Variants in H2AL3 observed in about 807,000 individuals in gnomAD.
H2AL3 encodes the protein histone H2A-like 3.
chrX:37,994,775 G>C (rs1482967026), exon 1 of H2AL3: 1 of 110,044 alleles, frequency 9.1e-6, no homozygotes, highest in East Asian at 2.9e-4. Context: ...GAAGAAGGAG[G>C]AGGAAGGATT....
chrX:37,994,710 A>G lies in H2AL3; in HGVS notation c.367A>G (p.Lys123Glu), dbSNP rs866985016. 8.6e-5 allele frequency: 9 copies of G among 104,323 alleles called. No homozygotes were observed. Among genetic ancestry groups the G allele is most frequent in the Non-Finnish European group, 1.6e-4 (8 of 50,155 alleles). The allele number at this position is 104,323 out of a possible 1,213,427, so 8.6% of individuals were successfully genotyped here. Residue 123 changes from lysine to glutamate, a missense_variant, in exon 1 of 1, where the codon AAG (lysine) becomes GAG (glutamate). Physicochemically the swap from Lys to Glu is moderately conservative, Grantham distance 56. Coordinates refer to ENST00000448797, the Ensembl canonical transcript of H2AL3. ...GGAGGAAGAGGAGGAGGAGGAGGAG[A>G]AGGAGGAGGAGATGGTGGTGCTGGT...
exon 1 of H2AL3, chrX:37,994,890 A>C: frequency 9.0e-6 from 1 of 111,294 alleles, no homozygotes; most frequent in Non-Finnish European, 1.9e-5. Flanking sequence ...CAAGCTATTA[A>C]ACTGTGTAAA....
exon 1 of H2AL3, chrX:37,994,846 A>G (rs1933675276): frequency 9.0e-6 from 1 of 110,952 alleles, no homozygotes; most frequent in Non-Finnish European, 1.9e-5. Flanking sequence ...CAAAATTCCC[A>G]TAGATGAAAG....
At chrX:37,994,891 A>C (rs1483483751) in exon 1 of H2AL3, 1 of 111,168 alleles carries the variant, frequency 9.0e-6, no homozygotes, top group African/African-American at 3.3e-5. Flanking sequence ...AAGCTATTAA[A>C]CTGTGTAAAT....
exon 1 of H2AL3, chrX:37,994,870 T>G (rs1024748096): frequency 3.6e-5 from 4 of 110,993 alleles, no homozygotes; most frequent in African/African-American, 1.3e-4. Context: ...CCAGGTTGCT[T>G]CCATCTGCCC....
chrX:37,994,590 G>T (rs1025219661), exon 1 of H2AL3: 2 of 114,639 alleles, frequency 1.7e-5, no homozygotes, highest in African/African-American at 6.5e-5. Context: ...CCCAGAACAC[G>T]TGAAGAGGGC....
exon 1 of H2AL3, chrX:37,994,808 G>A (rs761863151): frequency 1.8e-5 from 2 of 110,462 alleles, no homozygotes; most frequent in Non-Finnish European, 3.8e-5. Context: ...AGCCATGCGG[G>A]ACTTCATCAG....
At chrX:37,994,441 G>A (rs1053773050) in exon 1 of H2AL3, 6 of 126,271 alleles carry the variant, frequency 4.8e-5, no homozygotes, top group Non-Finnish European at 7.6e-5. Flanking sequence ...TTGGAACGCT[G>A]CCTGCGAGAA....
rs755319953 is a variant in H2AL3 at position 37,994,802 on chromosome X, A to C, written c.*12A>C. Reference sequence around the variant, plus strand: ...GGAAGGATTCCTGAGTTTCGGAGCCATGCGGGACTTCATCAGCAACCTCCT... The same window carrying C: ...GGAAGGATTCCTGAGTTTCGGAGCCCTGCGGGACTTCATCAGCAACCTCCT... On this transcript the variant is annotated 3_prime_UTR_variant, in exon 1 of 1. Transcript: ENST00000448797. 5.4e-5 allele frequency: 6 copies of C among 110,523 alleles called. No homozygotes were observed. In the East Asian group the frequency reaches 1.7e-3, roughly 32 times the overall value. The allele number at this position is 110,523 out of a possible 1,213,427, so 9.1% of individuals were successfully genotyped here.
exon 1 of H2AL3, chrX:37,994,367 T>C (rs1310393448): frequency 8.9e-6 from 1 of 112,825 alleles, no homozygotes; most frequent in Non-Finnish European, 1.9e-5. Context: ...AAATGTTCTG[T>C]AGGCCTAGGA....
At chrX:37,994,751 GAGGAGGAGGAGGAGAAGA>G (rs1166388259) in exon 1 of H2AL3, 1 of 109,715 alleles carries the variant, frequency 9.1e-6, no homozygotes, top group East Asian at 2.9e-4. Flanking sequence ...TGGGGGGAAG[GAGGAGGAGGAGGAGAAGA>G]AGGAGGAGGA....
chrX:37,994,691 AGAG>A (rs34355008), exon 1 of H2AL3: 23,025 of 108,026 alleles, frequency 0.21, 2,089 homozygotes, highest in Middle Eastern at 0.31. Context: ...CTGAGGAGGA[AGAG>A]GAGGAGGAGG....
At chrX:37,994,743 G>GGGGGAAGGAGGAGGAGGAGGA (rs1933669320) in exon 1 of H2AL3, 1 of 110,154 alleles carries the variant, frequency 9.1e-6, no homozygotes, top group Non-Finnish European at 1.9e-5. Context: ...GGTGGTGATG[G>GGGGGAAGGAGGAGGAGGAGGA]GGGGAAGGAG....
At chrX:37,994,801 C>T in exon 1 of H2AL3, 1 of 110,209 alleles carries the variant, frequency 9.1e-6, no homozygotes, top group Non-Finnish European at 1.9e-5. Context: ...GTTTCGGAGC[C>T]ATGCGGGACT....
rs1229140935 is a variant in H2AL3, at chrX:37,994,622, CAGAT to C, written c.280_283del (p.Arg94GlyfsTer13). ...GGGCACTGCAAAAGGATGAGCAGCTCAGATGGATCTTGGAGTTGGAAGATGACAC... is the reference window on the plus strand; with the variant it reads ...GGGCACTGCAAAAGGATGAGCAGCTCGGATCTTGGAGTTGGAAGATGACAC... On this transcript the variant is annotated frameshift_variant, in exon 1 of 1. Coordinates refer to ENST00000448797, the Ensembl canonical transcript of H2AL3. LOFTEE classifies it low-confidence loss of function (END_TRUNC). 9.0e-6 allele frequency: 1 copy of C among 111,232 alleles called. No homozygotes were observed. Among genetic ancestry groups the C allele is most frequent in the Non-Finnish European group, 1.9e-5 (1 of 53,560 alleles). The allele number at this position is 111,232 out of a possible 1,213,427, so 9.2% of individuals were successfully genotyped here.
exon 1 of H2AL3, chrX:37,994,568 G>A (rs1012037107): frequency 5.0e-5 from 6 of 120,459 alleles, no homozygotes; most frequent in Non-Finnish European, 8.2e-5. Flanking sequence ...ACAGCTGCAG[G>A]CTGTGCATCA....
exon 1 of H2AL3, chrX:37,994,662 G>A (rs1242207703): frequency 9.1e-6 from 1 of 110,146 alleles, no homozygotes; most frequent in Non-Finnish European, 1.9e-5. Context: ...CCACTCTCAA[G>A]TAGAAGAAAT....
exon 1 of H2AL3, chrX:37,994,383 C>T (rs1933657263): frequency 8.8e-6 from 1 of 113,331 alleles, no homozygotes; most frequent in African/African-American, 3.2e-5. Flanking sequence ...TAGGAGACAA[C>T]GCCTTTCCCA....
exon 1 of H2AL3, chrX:37,994,695 G>A (rs1257417411): frequency 4.1e-5 from 3 of 72,574 alleles, no homozygotes; most frequent in African/African-American, 1.3e-4. Flanking sequence ...GGAGGAAGAG[G>A]AGGAGGAGGA....
Sources: gnomAD v4.1 joint callset for allele counts on GRCh38, gnomAD v4.1.1 for gene constraint, MANE v1.5 for transcripts, NCBI Gene and HGNC (gene_info 2026-07-23, HGNC 2026-07-21) for gene names.